Variants in TUSC3 observed in about 807,000 individuals in gnomAD.
TUSC3 encodes the protein tumor suppressor candidate 3, also known as dolichyl-diphosphooligosaccharide--protein glycosyltransferase subunit TUSC3.
A neutral mutation model predicts 44.8 loss-of-function variants in TUSC3; 45 were observed. That is an observed-to-expected ratio of 1.00 (90% CI 0.79 to 1.29). The LOEUF is 1.29. Among genes scored for constraint, TUSC3 ranks in the 50% most tolerant of loss-of-function variants. The pLI, the probability that TUSC3 is intolerant of heterozygous loss-of-function variation, is 0.00. For missense variants in TUSC3, 519 were observed against 437.9 expected (o/e 1.19, Z -1.65); for synonymous variants, 212 against 152.9 (o/e 1.39, Z -2.85).
Position 15,631,027 on chromosome 8 carries a change from C to T in TUSC3, c.308+7778C>T, listed in dbSNP as rs560976306. 2.6e-5 allele frequency among the ~76,000 whole-genome samples: 4 copies of T among 152,262 alleles called. No individual in the cohort carries two copies. In the South Asian group the frequency reaches 8.3e-4, roughly 32 times the overall value. ...CCTCTTACCTTTGATAATATTTCTT[C>T]ATAGCCCTTAATTTTTAAGTTTCCT... On this transcript the variant is annotated intron_variant, in intron 2 of 10. Coordinates refer to ENST00000503731, the MANE Select transcript of TUSC3 (RefSeq NM_006765.4).
the TUSC3 span, among the ~76,000 whole-genome samples, chr8:15,807,595 A>G: frequency 6.6e-6 from 1 of 152,212 alleles, no homozygotes; most frequent in Non-Finnish European, 1.5e-5. Context: ...GCTGTTTACT[A>G]TAGCACAGTA....
At chr8:15,540,743 T>C (rs2129132593) in intron 1 of TUSC3, among the ~76,000 whole-genome samples, 175 bp downstream of exon 1, 1 of 152,226 alleles carries the variant, frequency 6.6e-6, no homozygotes, top group South Asian at 2.1e-4. Flanking sequence ...GACGTGGAGT[T>C]AGCAGGGTTC....
At chr8:15,553,536 A>C (rs1341460739) in intron 1 of TUSC3, among the ~76,000 whole-genome samples, 1 of 101,400 alleles carries the variant, frequency 9.9e-6, no homozygotes, top group East Asian at 3.1e-4. Flanking sequence ...TGGATGTCAC[A>C]GGAGGAGAAT....
At chr8:15,477,193 C>G (rs892196943) in intron 1 of TUSC3, among the ~76,000 whole-genome samples, 5 of 152,138 alleles carry the variant, frequency 3.3e-5, no homozygotes, top group African/African-American at 1.2e-4. Context: ...TTCCCTGACT[C>G]CAGACCCTAT....
At chr8:15,665,110 G>T (rs190335583) in intron 5 of TUSC3, among the ~76,000 whole-genome samples, 1 of 151,358 alleles carries the variant, frequency 6.6e-6, no homozygotes. Context: ...TGGAAGTAAG[G>T]AAAAAAATGT....
downstream of TUSC3, among the ~76,000 whole-genome samples, chr8:15,770,875 C>A (rs1054809608): frequency 2.0e-5 from 3 of 152,040 alleles, no homozygotes; most frequent in South Asian, 2.1e-4. Context: ...TTCAAACTTA[C>A]CAAATCTGAA....
In TUSC3 at chr8:15,602,685, T is replaced by C. The variant is rs560875976; in HGVS notation, c.139-20395T>C. 9.5e-4 allele frequency among the ~76,000 whole-genome samples: 143 copies of C among 151,178 alleles called. No individual in the cohort carries two copies. The Middle Eastern group carries it at 0.014, about 14-fold the overall frequency. ...ATTTATATGTGTGTGTGTGTGTGTG[T>C]GTGTGTGTGTGTATATATGTGTATG... is the stretch of plus-strand genomic sequence containing the variant. On this transcript the variant is annotated intron_variant, in intron 1 of 10. Coordinates refer to ENST00000503731, the MANE Select transcript of TUSC3 (RefSeq NM_006765.4).
chr8:15,514,155 C>T (rs909168643), intron 2 of TUSC3, among the ~76,000 whole-genome samples: 1 of 152,074 alleles, frequency 6.6e-6, no homozygotes, highest in Non-Finnish European at 1.5e-5. Flanking sequence ...ATGTCATTTA[C>T]GCCGCATTAT....
chr8:15,465,322 A>C (rs1800400507), intron 1 of TUSC3, among the ~76,000 whole-genome samples: 1 of 152,206 alleles, frequency 6.6e-6, no homozygotes, highest in Non-Finnish European at 1.5e-5. Flanking sequence ...GGAAAACAGC[A>C]GGGAAACTTA....
intron 1 of TUSC3, among the ~76,000 whole-genome samples, chr8:15,442,720 CT>C (rs1188158281): frequency 6.6e-6 from 1 of 151,964 alleles, no homozygotes; most frequent in Non-Finnish European, 1.5e-5. Context: ...CAGAATCATC[CT>C]GATGAAAGAA....
the TUSC3 span, among the ~76,000 whole-genome samples, chr8:15,847,748 T>C: frequency 6.6e-6 from 1 of 152,176 alleles, no homozygotes; most frequent in African/African-American, 2.4e-5. Flanking sequence ...ATCTCAATTT[T>C]CAATATATCT....
chr8:15,811,742 A>C, the TUSC3 span, among the ~76,000 whole-genome samples: 1 of 152,188 alleles, frequency 6.6e-6, no homozygotes, highest in South Asian at 2.1e-4. Context: ...TTAAATTTTA[A>C]AGCTTATAGT....
chr8:15,790,513 C>G, the TUSC3 span, among the ~76,000 whole-genome samples: 1 of 151,968 alleles, frequency 6.6e-6, no homozygotes, highest in Non-Finnish European at 1.5e-5. Flanking sequence ...TGTCATGGTG[C>G]CGATGGGAGT....
chr8:15,746,720 A>C (rs1227151914), intron 8 of TUSC3, among the ~76,000 whole-genome samples: 1 of 152,082 alleles, frequency 6.6e-6, no homozygotes, highest in East Asian at 1.9e-4. Context: ...GAATGAAAAG[A>C]GTGCTTTATT....
chr8:15,540,104 C>T (rs1343216640), upstream of TUSC3: 4 of 302,454 alleles, frequency 1.3e-5, no homozygotes, highest in Non-Finnish European at 1.8e-5. Flanking sequence ...GGTCCCAGGG[C>T]CAAAGGACCA....
At chr8:15,601,948 C>T (rs537439012) in intron 1 of TUSC3, among the ~76,000 whole-genome samples, 6 of 150,850 alleles carry the variant, frequency 4.0e-5, no homozygotes, top group East Asian at 2.0e-4. Context: ...TTAACTGACA[C>T]GCAGAACTAG....
intron 1 of TUSC3, among the ~76,000 whole-genome samples, chr8:15,477,870 T>C (rs930293747): frequency 6.6e-6 from 1 of 152,158 alleles, no homozygotes; most frequent in Non-Finnish European, 1.5e-5. Context: ...CTTTCCTCTT[T>C]CTTGACTATT....
At chr8:15,740,236 TCTC>T (rs1363649025) in intron 7 of TUSC3, among the ~76,000 whole-genome samples, 3 of 151,960 alleles carry the variant, frequency 2.0e-5, no homozygotes, top group African/African-American at 4.8e-5. Flanking sequence ...AGTTCAAAGA[TCTC>T]CTTATTACCT....
intron 6 of TUSC3, among the ~76,000 whole-genome samples, chr8:15,696,873 A>C (rs754257434): frequency 1.1e-4 from 16 of 152,250 alleles, no homozygotes; most frequent in South Asian, 4.1e-4. Flanking sequence ...ATTGGCACCA[A>C]TTCTTCTTTG....
Sources: gnomAD v4.1 joint callset for allele counts (sites outside exome capture counted in the v4.1 genomes callset) on GRCh38, gnomAD v4.1.1 for gene constraint, MANE v1.5 for transcripts, NCBI Gene and HGNC (gene_info 2026-07-23, HGNC 2026-07-21) for gene names.